ICA1L: variants seen among roughly 807,000 people sequenced by gnomAD.
ICA1L encodes the protein islet cell autoantigen 1-like protein.
Under a neutral mutation model 61.3 loss-of-function variants are expected in ICA1L, and 50 were observed. The ratio of observed to expected loss-of-function variants is 0.82; its 90% CI spans 0.65 to 1.03. The LOEUF is 1.03. ICA1L is among the 50% of genes least tolerant of loss of function. ICA1L has a pLI of 0.00. For missense variants in ICA1L, 508 were observed against 556.7 expected (o/e 0.91, Z 0.88); for synonymous variants, 161 against 191.3 (o/e 0.84, Z 1.31).
rs1559140702 is a variant in ICA1L at position 202,829,082 on chromosome 2, C to T, written c.-7-66G>A. On this transcript the variant is annotated intron_variant, in intron 1 of 12. Transcript: ENST00000358299. ...CTCAATAATAGGCTGGGCACGGTGGCTCACGCCTGTAATTCCACAACTTTG... is the reference window on the plus strand; with the variant it reads ...CTCAATAATAGGCTGGGCACGGTGGTTCACGCCTGTAATTCCACAACTTTG... 3.0e-6 allele frequency: 4 copies of T among 1,350,044 alleles called. No individual in the cohort carries two copies. In the East Asian group the frequency reaches 1.0e-4, roughly 34 times the overall value. 83.6% of individuals were successfully genotyped at this position (1,350,044 alleles called of 1,614,324 possible). A position where few individuals can be genotyped will look rare whatever the true frequency, so the allele number is the denominator to read the frequency against.
At position 202,773,198 on chromosome 2, in the gene ICA1L, T is replaced by G. The variant is rs1298195409; in HGVS notation, c.*6335A>C. On this transcript the variant is annotated 3_prime_UTR_variant, in exon 13 of 13. Coordinates refer to ENST00000358299, the MANE Select transcript of ICA1L (RefSeq NM_001288622.3). Reference sequence around the variant, plus strand: ...ACATCTTTATTGCTAATATAAGCATTTAATGTCAAAGAAATGAAGGTAATT... The same window carrying G: ...ACATCTTTATTGCTAATATAAGCATGTAATGTCAAAGAAATGAAGGTAATT... 1 of 152,252 alleles carries G rather than the reference T, an allele frequency of 6.6e-6. No individual in the cohort carries two copies. The highest frequency in any genetic ancestry group is 1.5e-5 in the Non-Finnish European group (1 of 68,058). The allele number at this position is 152,252 out of a possible 1,614,324, so 9.4% of individuals were successfully genotyped here.
chr2:202,788,754 G>T, intron 11 of ICA1L, 76 bp downstream of exon 11: 1 of 1,453,182 alleles, frequency 6.9e-7, no homozygotes, highest in East Asian at 2.3e-5. Flanking sequence ...GTTGGTTCTA[G>T]CATCAATAAG....
At chr2:202,863,624 A>C (rs1389900806) in intron 1 of ICA1L, among the ~76,000 whole-genome samples, 3 of 152,062 alleles carry the variant, frequency 2.0e-5, no homozygotes, top group Non-Finnish European at 4.4e-5. Context: ...GGAGATTGAG[A>C]CCATCCTGGC....
In ICA1L at chr2:202,797,132, T is replaced by TTG. The variant is rs58006631; in HGVS notation, c.911-170_911-169dup. ...ATAATCTTATATATAAAAATCACAT[T>TTG]TGTGTGTGTGTGTGTGTGTGTGTGT... On this transcript the variant is annotated intron_variant, in intron 9 of 12. Coordinates refer to ENST00000358299, the MANE Select transcript of ICA1L (RefSeq NM_001288622.3). 2.1e-3 allele frequency among the ~76,000 whole-genome samples: 309 copies of TTG among 147,802 alleles called. 2 individuals carry two copies. The highest frequency in any genetic ancestry group is 3.9e-3 in the South Asian group (18 of 4,578).
At chr2:202,782,642 C>T (rs1347171958) in intron 12 of ICA1L, among the ~76,000 whole-genome samples, 2 of 152,054 alleles carry the variant, frequency 1.3e-5, no homozygotes, top group East Asian at 3.9e-4. Flanking sequence ...CTCCTGACCT[C>T]GTGATCTGCC....
intron 12 of ICA1L, among the ~76,000 whole-genome samples, chr2:202,782,781 G>A (rs1441222597): frequency 6.6e-6 from 1 of 151,654 alleles, no homozygotes; most frequent in African/African-American, 2.4e-5. Context: ...ATTTTTCCTC[G>A]AAAATCAGCC....
At chr2:202,783,821 A>G (rs967471503) in intron 12 of ICA1L, among the ~76,000 whole-genome samples, 16 of 152,092 alleles carry the variant, frequency 1.1e-4, no homozygotes, top group African/African-American at 1.9e-4. Flanking sequence ...GGAAATAGAC[A>G]ATGAATATTT....
chr2:202,803,797 G>C (rs1693154613), intron 9 of ICA1L, among the ~76,000 whole-genome samples: 1 of 151,870 alleles, frequency 6.6e-6, no homozygotes, highest in Non-Finnish European at 1.5e-5. Flanking sequence ...CAAAGTGCCG[G>C]GATTACAGGC....
Position 202,800,170 on chromosome 2 carries a change from C to T in ICA1L, c.911-3206G>A, listed in dbSNP as rs191492961. ...TGCTGGGATTACAAGTGTGAGCCACCGCGCCTGGCCTGCTGCTTTATTCTT... is the reference window on the plus strand; with the variant it reads ...TGCTGGGATTACAAGTGTGAGCCACTGCGCCTGGCCTGCTGCTTTATTCTT... On this transcript the variant is annotated intron_variant, in intron 9 of 12. Transcript: ENST00000358299. 1.4e-4 allele frequency among the ~76,000 whole-genome samples: 22 copies of T among 152,056 alleles called. No individual in the cohort carries two copies. In the East Asian group the frequency reaches 1.9e-3, roughly 13 times the overall value.
At chr2:202,865,503 C>T (rs1274538431) in intron 1 of ICA1L, among the ~76,000 whole-genome samples, 1 of 151,606 alleles carries the variant, frequency 6.6e-6, no homozygotes. Context: ...ACAAAAAAAC[C>T]CACAGAGCTA....
At chr2:202,804,909 A>G (rs1364152243) in intron 9 of ICA1L, among the ~76,000 whole-genome samples, 1 of 152,232 alleles carries the variant, frequency 6.6e-6, no homozygotes, top group East Asian at 1.9e-4. Context: ...CACACTTCCA[A>G]ATCACTCATG....
Position 202,788,874 on chromosome 2 carries a change from G to A in ICA1L, c.1199C>T (p.Ser400Leu). ...PLAHSSRFLP[S>L]QLFDLGFHVA... ...ATGAAAGCCAAGGTCAAAGAGTTGTGAAGGAAGGAATCGAGAAGAATGAGC... is the reference window on the plus strand; with the variant it reads ...ATGAAAGCCAAGGTCAAAGAGTTGTAAAGGAAGGAATCGAGAAGAATGAGC... The change falls in exon 11 of 13, where the codon TCA becomes TTA. Residue 400 changes from serine to leucine, a missense_variant. Transcript: ENST00000358299. The A allele has an allele frequency of 6.2e-7, 1 of 1,614,122 alleles. No individual in the cohort carries two copies.
intron 1 of ICA1L, among the ~76,000 whole-genome samples, chr2:202,853,840 G>A (rs1386767734): frequency 6.6e-6 from 1 of 152,044 alleles, no homozygotes; most frequent in Non-Finnish European, 1.5e-5. Flanking sequence ...ACAAGTAAAC[G>A]CTGAGGGATT....
intron 1 of ICA1L, among the ~76,000 whole-genome samples, chr2:202,850,502 C>A (rs778678554): frequency 1.3e-5 from 2 of 151,964 alleles, no homozygotes; most frequent in Non-Finnish European, 2.9e-5. Flanking sequence ...TCACAAGTAT[C>A]AATAGCTGAA....
At chr2:202,780,833 C>T (rs1692379249) in intron 12 of ICA1L, among the ~76,000 whole-genome samples, 1 of 152,164 alleles carries the variant, frequency 6.6e-6, no homozygotes, top group East Asian at 1.9e-4. Context: ...CTGGGTGTAA[C>T]ACCTACTAAT....
chr2:202,840,088 T>G (rs1694282538), intron 1 of ICA1L, among the ~76,000 whole-genome samples: 1 of 148,066 alleles, frequency 6.8e-6, no homozygotes, highest in Non-Finnish European at 1.5e-5. Context: ...TTTTTTTTTT[T>G]GCAGAGCTAG....
intron 1 of ICA1L, among the ~76,000 whole-genome samples, chr2:202,855,877 C>T (rs1183635873): frequency 6.6e-6 from 1 of 152,046 alleles, no homozygotes; most frequent in Non-Finnish European, 1.5e-5. Flanking sequence ...AGTTCAAGAC[C>T]AGCCTGGCCA....
intron 3 of ICA1L, among the ~76,000 whole-genome samples, chr2:202,822,318 T>A (rs1234521973): frequency 6.6e-6 from 1 of 152,050 alleles, no homozygotes; most frequent in Non-Finnish European, 1.5e-5. Flanking sequence ...TGAGCCACAG[T>A]GGTTGGCTAA....
chr2:202,801,353 T>C (rs909167705), intron 9 of ICA1L, among the ~76,000 whole-genome samples: 6 of 152,216 alleles, frequency 3.9e-5, no homozygotes, highest in African/African-American at 1.4e-4. Context: ...ATGCTACAGA[T>C]GCATGAAATT....
Sources: allele counts gnomAD v4.1 joint callset (sites outside exome capture counted in the v4.1 genomes callset), GRCh38; gene constraint gnomAD v4.1.1; transcripts MANE v1.5; gene names NCBI Gene and HGNC (gene_info 2026-07-23, HGNC 2026-07-21).